ANKRD6: variants seen among roughly 807,000 people sequenced by gnomAD.
The protein encoded by ANKRD6 is ankyrin repeat domain 6, also known as ankyrin repeat domain-containing protein 6.
ANKRD6 carries 56 observed loss-of-function variants against 82.3 expected under a neutral mutation model. The observed-to-expected ratio is 0.68, with a 90% CI of 0.55 to 0.85. ANKRD6 has a LOEUF of 0.85. Ranked by LOEUF, ANKRD6 falls within the 40% of genes least tolerant of loss-of-function variation. ANKRD6 has a pLI of 0.00. For missense variants in ANKRD6, 852 were observed against 907.6 expected (o/e 0.94, Z 0.79); for synonymous variants, 347 against 352.1 (o/e 0.99, Z 0.16).
At chr6:89,612,234 T>A (rs1168373792) in intron 5 of ANKRD6, 38 bp from the exon 6 acceptor site, 3 of 1,532,850 alleles carry the variant, frequency 2.0e-6, no homozygotes, top group Non-Finnish European at 2.7e-6. Context: ...CGGAAGCATG[T>A]TGCTAATATG....
chr6:89,481,140 A>G (rs1776759794), intron 1 of ANKRD6, among the ~76,000 whole-genome samples: 1 of 152,190 alleles, frequency 6.6e-6, no homozygotes, highest in Non-Finnish European at 1.5e-5. Flanking sequence ...AACTTCGTTA[A>G]CAAAAAATGA....
intron 2 of ANKRD6, among the ~76,000 whole-genome samples, chr6:89,579,703 T>C (rs1792034976): frequency 8.3e-6 from 1 of 119,862 alleles, no homozygotes; most frequent in Admixed American, 1.2e-4. Context: ...GCTGCAGTAA[T>C]CCAAGATAGT....
intron 1 of ANKRD6, among the ~76,000 whole-genome samples, chr6:89,446,222 C>T (rs1170590863): frequency 6.6e-6 from 1 of 152,038 alleles, no homozygotes; most frequent in African/African-American, 2.4e-5. Flanking sequence ...CATGCTGGTG[C>T]ATGTCTATAA....
At chr6:89,604,322 CTT>C (rs1263147627) in intron 4 of ANKRD6, among the ~76,000 whole-genome samples, 4 of 151,520 alleles carry the variant, frequency 2.6e-5, no homozygotes, top group Admixed American at 1.3e-4. Context: ...GAGCGAAACT[CTT>C]GTCTCAAAAA....
intron 1 of ANKRD6, among the ~76,000 whole-genome samples, chr6:89,485,883 C>T (rs1356360611): frequency 6.6e-6 from 1 of 152,122 alleles, no homozygotes; most frequent in Non-Finnish European, 1.5e-5. Flanking sequence ...CAGAAATTTG[C>T]TGTGATGTTT....
chr6:89,606,740 C>T (rs2128193482), intron 5 of ANKRD6, among the ~76,000 whole-genome samples: 1 of 151,934 alleles, frequency 6.6e-6, no homozygotes, highest in African/African-American at 2.4e-5. Flanking sequence ...CCTGTAGTCC[C>T]AGCTACTTGG....
chr6:89,542,183 G>A (rs1784518772), intron 1 of ANKRD6, among the ~76,000 whole-genome samples: 1 of 152,132 alleles, frequency 6.6e-6, no homozygotes, highest in Non-Finnish European at 1.5e-5. Context: ...GTGCTCTTCT[G>A]TTTCTGTATT....
intron 2 of ANKRD6, among the ~76,000 whole-genome samples, chr6:89,588,994 C>CA (rs34892881): frequency 0.35 from 15,793 of 45,496 alleles, 2,213 homozygotes; most frequent in Non-Finnish European, 0.41. Flanking sequence ...GACTCTGTCT[C>CA]AAAAAAAAAA....
chr6:89,581,881 C>T (rs1228563806), intron 2 of ANKRD6, among the ~76,000 whole-genome samples: 5 of 151,376 alleles, frequency 3.3e-5, no homozygotes, highest in African/African-American at 1.2e-4. Context: ...TTAGCACATC[C>T]ACACACTGTG....
At chr6:89,518,649 A>AT (rs61463057) in intron 1 of ANKRD6, among the ~76,000 whole-genome samples, 1 of 151,978 alleles carries the variant, frequency 6.6e-6, no homozygotes, top group African/African-American at 2.4e-5. Flanking sequence ...CAAAAAAAAA[A>AT]GCATAACACT....
At chr6:89,629,520 G>C in intron 15 of ANKRD6, 1 of 419,964 alleles carries the variant, frequency 2.4e-6, no homozygotes, top group Non-Finnish European at 4.5e-6. Flanking sequence ...GATAGTATCA[G>C]AGTGGACCCC....
chr6:89,554,546 T>A (rs2128038800), intron 1 of ANKRD6, among the ~76,000 whole-genome samples: 1 of 152,322 alleles, frequency 6.6e-6, no homozygotes, highest in South Asian at 2.1e-4. Context: ...ATTCTATTAG[T>A]TTATCTGGAA....
At chr6:89,623,364 C>T in intron 10 of ANKRD6, 46 bp from the exon 11 acceptor site, 1 of 1,570,854 alleles carries the variant, frequency 6.4e-7, no homozygotes, top group Non-Finnish European at 8.6e-7. Context: ...GTGAAAAAGG[C>T]CAAGGAAGCA....
At chr6:89,629,472 T>C (rs913802203) in intron 15 of ANKRD6, 3 of 560,906 alleles carry the variant, frequency 5.3e-6, no homozygotes, top group South Asian at 1.8e-5. Context: ...AATTAAAGAA[T>C]TGTTGACTGG....
intron 1 of ANKRD6, among the ~76,000 whole-genome samples, chr6:89,533,856 T>G (rs983768693): frequency 6.6e-6 from 1 of 151,850 alleles, no homozygotes; most frequent in African/African-American, 2.4e-5. Context: ...TGGGAGCCAA[T>G]TGGGGAAGCT....
intron 1 of ANKRD6, among the ~76,000 whole-genome samples, chr6:89,508,079 G>T (rs1218957491): frequency 1.3e-5 from 2 of 152,094 alleles, no homozygotes; most frequent in African/African-American, 2.4e-5. Context: ...TTATCACCTA[G>T]ATACCACCTG....
chr6:89,449,845 T>C (rs1325911195), intron 1 of ANKRD6, among the ~76,000 whole-genome samples: 1 of 152,206 alleles, frequency 6.6e-6, no homozygotes, highest in Non-Finnish European at 1.5e-5. Flanking sequence ...TTTGGAGATA[T>C]TTTTTGGTTG....
At chr6:89,489,078 TC>T (rs1271008246) in intron 1 of ANKRD6, among the ~76,000 whole-genome samples, 1 of 152,100 alleles carries the variant, frequency 6.6e-6, no homozygotes, top group Non-Finnish European at 1.5e-5. Flanking sequence ...CACATTGCCT[TC>T]CTCTTGGTAC....
At chr6:89,596,782 T>C (rs1382797945) in intron 3 of ANKRD6, among the ~76,000 whole-genome samples, 2 of 152,236 alleles carry the variant, frequency 1.3e-5, no homozygotes, top group Admixed American at 1.3e-4. Context: ...GAAAGGACCA[T>C]ATAAATTGTC....
Sources: allele counts gnomAD v4.1 joint callset (sites outside exome capture counted in the v4.1 genomes callset), GRCh38; gene constraint gnomAD v4.1.1; transcripts MANE v1.5; gene names NCBI Gene and HGNC (gene_info 2026-07-23, HGNC 2026-07-21).